TBK1: variants seen among roughly 807,000 people sequenced by gnomAD.
TBK1 encodes the protein TANK binding kinase 1.
TBK1 carries 37 observed loss-of-function variants against 99.9 expected under a neutral mutation model. The observed-to-expected ratio is 0.37, with a 90% CI of 0.28 to 0.49. The LOEUF (loss-of-function observed/expected upper bound fraction) is 0.49, where lower values mean the gene tolerates loss of function less well. Among genes scored for constraint, TBK1 ranks in the 20% least tolerant of loss-of-function variants. The pLI, the probability that TBK1 is intolerant of heterozygous loss-of-function variation, is 0.98. For missense variants in TBK1, 644 were observed against 872.5 expected (o/e 0.74, Z 3.30); for synonymous variants, 258 against 279.8 (o/e 0.92, Z 0.78).
intron 20 of TBK1, among the ~76,000 whole-genome samples, chr12:64,498,863 C>T (rs921864251): frequency 4.7e-5 from 7 of 149,994 alleles, no homozygotes; most frequent in African/African-American, 1.7e-4. Context: ...GGCTGAGGCA[C>T]GAGAATCACC....
At chr12:64,454,672 C>CTT (rs11358053) in intron 1 of TBK1, among the ~76,000 whole-genome samples, 3,762 of 83,704 alleles carry the variant, frequency 0.045, 414 homozygotes, top group Middle Eastern at 0.085. Context: ...AAACTCAGAT[C>CTT]TTTTTTTTTT....
intron 12 of TBK1, among the ~76,000 whole-genome samples, 158 bp from the exon 13 acceptor site, chr12:64,489,883 G>C (rs1009770449): frequency 1.3e-5 from 2 of 151,016 alleles, no homozygotes; most frequent in African/African-American, 2.4e-5. Context: ...GCCGGCATCA[G>C]GTTTTTTTTT....
At chr12:64,455,485 C>T (rs1565810292) in intron 1 of TBK1, among the ~76,000 whole-genome samples, 1 of 151,938 alleles carries the variant, frequency 6.6e-6, no homozygotes, top group Admixed American at 6.6e-5. Flanking sequence ...GAATTTTAGA[C>T]GAATGAAAAC....
rs1391136779 is a variant in TBK1, at chr12:64,485,436, AT to A, written c.1190-15del. 1.4e-6 allele frequency: 2 copies of A among 1,396,656 alleles called. No individual in the cohort carries two copies. Among genetic ancestry groups the A allele is most frequent in the Non-Finnish European group, 9.9e-7 (1 of 1,012,580 alleles). The allele number at this position is 1,396,656 out of a possible 1,614,324, so 86.5% of individuals were successfully genotyped here. ...TTCAAAAAGTTTTCTTTCTCATTTT[AT>A]TTTACTTCATATTTCAGTTTCCCTC... On this transcript the variant is annotated intron_variant, in intron 9 of 20. Coordinates refer to ENST00000331710, the MANE Select transcript of TBK1 (RefSeq NM_013254.4).
chr12:64,497,952 T>C lies in TBK1; in HGVS notation c.2067-16T>C, dbSNP rs2040947097. The C allele has an allele frequency of 6.2e-7, 1 of 1,604,410 alleles. No individual in the cohort carries two copies. The highest frequency in any genetic ancestry group is 1.3e-5 in the African/African-American group (1 of 74,488). On this transcript the variant is annotated splice_polypyrimidine_tract_variant and intron_variant, in intron 19 of 20. Coordinates refer to ENST00000331710, the MANE Select transcript of TBK1 (RefSeq NM_013254.4). ...GCATACTGTTTTTGAGCAAAGGTGCTTGTTTATTTTATTAGTATGAAGAAA... is the reference window on the plus strand; with the variant it reads ...GCATACTGTTTTTGAGCAAAGGTGCCTGTTTATTTTATTAGTATGAAGAAA...
At chr12:64,464,225 C>T (rs2040579369) in intron 3 of TBK1, 109 bp from the exon 4 acceptor site, 3 of 826,540 alleles carry the variant, frequency 3.6e-6, no homozygotes, top group Non-Finnish European at 5.4e-6. Flanking sequence ...AAGCAAAGTG[C>T]CTTCATCATT....
At chr12:64,458,508 TATAC>T (rs907491533) in intron 2 of TBK1, among the ~76,000 whole-genome samples, 3 of 98,276 alleles carry the variant, frequency 3.1e-5, no homozygotes, top group African/African-American at 8.6e-5. Flanking sequence ...CATATGGATA[TATAC>T]ATATATATAT....
chr12:64,490,099 A>C lies in TBK1; in HGVS notation c.1501A>C (p.Ile501Leu). 6.2e-7 allele frequency: 1 copy of C among 1,611,382 alleles called. No homozygotes were observed. Among genetic ancestry groups the C allele is most frequent in the South Asian group, 1.1e-5 (1 of 90,726 alleles). Reference protein sequence around the residue: ...EAAELGEISDIHTKLLRLSSS... With the variant: ...EAAELGEISDLHTKLLRLSSS... ...GGCAGAGTTAGGTGAAATTTCAGACATACACACCAAATTGTTGAGAGTAAG... is the reference window on the plus strand; with the variant it reads ...GGCAGAGTTAGGTGAAATTTCAGACCTACACACCAAATTGTTGAGAGTAAG... The change falls in exon 13 of 21, where the codon ATA becomes CTA. Residue 501 changes from isoleucine to leucine, a missense_variant. Around this residue, in one of 3 missense-constraint regions of TBK1, gnomAD observed 465 missense variants for 588.0 expected, o/e 0.79. Coordinates refer to ENST00000331710, the MANE Select transcript of TBK1 (RefSeq NM_013254.4).
rs1414748562 is a variant in TBK1 at position 64,485,474 on chromosome 12, T to A, written c.1209T>A (p.His403Gln). The change falls in exon 10 of 21, where the codon CAT becomes CAA. Residue 403 changes from histidine (H) to glutamine (Q), a missense_variant. Physicochemically the swap from His to Gln is conservative, Grantham distance 24 (BLOSUM62 0). Coordinates refer to ENST00000331710, the MANE Select transcript of TBK1 (RefSeq NM_013254.4). Reference sequence around the variant, plus strand: ...TTTCAGTTTCCCTCCCTAAAGTACATCCACGTTATGATTTAGACGGGGATG... The same window carrying A: ...TTTCAGTTTCCCTCCCTAAAGTACAACCACGTTATGATTTAGACGGGGATG... ...IYEKISLPKV[H>Q]PRYDLDGDAS... 1.9e-6 allele frequency: 3 copies of A among 1,565,380 alleles called. No individual in the cohort carries two copies. Among genetic ancestry groups the A allele is most frequent in the Non-Finnish European group, 2.6e-6 (3 of 1,147,176 alleles).
intron 5 of TBK1, 40 bp downstream of exon 5, chr12:64,467,122 T>G: frequency 5.6e-6 from 8 of 1,435,708 alleles, no homozygotes; most frequent in African/African-American, 1.4e-5. Flanking sequence ...TAAAGAAGCT[T>G]GATATATTGT....
chr12:64,466,618 A>T (rs184054683), intron 4 of TBK1, among the ~76,000 whole-genome samples: 16 of 152,218 alleles, frequency 1.1e-4, no homozygotes, highest in Non-Finnish European at 2.1e-4. Flanking sequence ...TCAAGAAATC[A>T]TATGCTTAAG....
chr12:64,493,174 G>A (rs1021814332), intron 13 of TBK1, among the ~76,000 whole-genome samples: 4 of 152,014 alleles, frequency 2.6e-5, no homozygotes, highest in Admixed American at 6.6e-5. Flanking sequence ...GATTACAGGC[G>A]TGAGCCACTG....
At chr12:64,476,141 C>A (rs1409575308) in intron 6 of TBK1, among the ~76,000 whole-genome samples, 2 of 140,426 alleles carry the variant, frequency 1.4e-5, no homozygotes, top group Non-Finnish European at 3.1e-5. Context: ...TGGCAGCTTG[C>A]GTAGTCTTCT....
At chr12:64,454,630 T>G (rs1218175576) in intron 1 of TBK1, among the ~76,000 whole-genome samples, 2 of 149,712 alleles carry the variant, frequency 1.3e-5, no homozygotes, top group Non-Finnish European at 3.0e-5. Context: ...TTTTCAAAGC[T>G]CATACAGCAT....
At chr12:64,473,974 G>A (rs989154507) in intron 5 of TBK1, among the ~76,000 whole-genome samples, 1 of 152,066 alleles carries the variant, frequency 6.6e-6, no homozygotes, top group African/African-American at 2.4e-5. Context: ...ATTTGGTAAA[G>A]GGCATAAGGG....
At chr12:64,486,620 TG>T (rs112239814) in intron 11 of TBK1, among the ~76,000 whole-genome samples, 21,832 of 150,818 alleles carry the variant, frequency 0.14, 1,886 homozygotes, top group African/African-American at 0.23. Flanking sequence ...TTTTTAGTGA[TG>T]GGGGGTCTAG....
At chr12:64,462,168 C>A (rs1256953120) in intron 3 of TBK1, among the ~76,000 whole-genome samples, 1 of 152,172 alleles carries the variant, frequency 6.6e-6, no homozygotes. Flanking sequence ...GTGGCCAAAG[C>A]CCCCAGAGGA....
chr12:64,463,604 C>G (rs1234699321), intron 3 of TBK1, among the ~76,000 whole-genome samples: 1 of 149,078 alleles, frequency 6.7e-6, no homozygotes, highest in Non-Finnish European at 1.5e-5. Flanking sequence ...GGAGCTGAGG[C>G]AGGAGAATCA....
chr12:64,471,742 A>G (rs1273457278), intron 5 of TBK1, among the ~76,000 whole-genome samples: 1 of 152,196 alleles, frequency 6.6e-6, no homozygotes, highest in Admixed American at 6.5e-5. Flanking sequence ...CTCTTCTTCC[A>G]GATGCAATAG....
Sources: gnomAD v4.1 joint callset for allele counts (sites outside exome capture counted in the v4.1 genomes callset) on GRCh38, gnomAD v4.1.1 for gene constraint, gnomAD v4.1.1 regional missense constraint, MANE v1.5 for transcripts, NCBI Gene and HGNC (gene_info 2026-07-23, HGNC 2026-07-21) for gene names.